The following SLC39A11 variants were observed in gnomAD, a reference collection of about 807,000 sequenced individuals.
SLC39A11 encodes solute carrier family 39 member 11.
In SLC39A11, 33 loss-of-function variants were observed where a neutral mutation model predicts 36.1. The ratio of observed to expected loss-of-function variants is 0.91; its 90% confidence interval spans 0.69 to 1.22. The LOEUF (loss-of-function observed/expected upper bound fraction) is 1.22. Among genes scored for constraint, SLC39A11 ranks in the 50% most tolerant of loss-of-function variants. The pLI is 0.00. For missense variants in SLC39A11, 432 were observed against 430.3 expected, an observed-to-expected ratio of 1.00 and a Z score of -0.03; for synonymous variants, 166 against 170.3, an observed-to-expected ratio of 0.97 and a Z score of 0.20.
At chr17:72,868,221 T>C (rs984563345) in intron 5 of SLC39A11, among the ~76,000 whole-genome samples, 1 of 151,824 alleles carries the variant, frequency 6.6e-6, no homozygotes, top group African/African-American at 2.4e-5. Context: ...ATAATCCCCA[T>C]CCCATGCTAA....
chr17:72,938,796 TG>T (rs2084921739), intron 5 of SLC39A11, among the ~76,000 whole-genome samples: 1 of 152,194 alleles, frequency 6.6e-6, no homozygotes, highest in Admixed American at 6.5e-5. Flanking sequence ...ACTTATGAGC[TG>T]AAATGAATGT....
At chr17:72,891,298 G>A (rs555279027) in intron 5 of SLC39A11, among the ~76,000 whole-genome samples, 1 of 152,270 alleles carries the variant, frequency 6.6e-6, no homozygotes, top group Non-Finnish European at 1.5e-5. Flanking sequence ...GCACATGCCT[G>A]TAATCCCAGC....
chr17:72,839,166 CA>C (rs2078698425), intron 6 of SLC39A11: 1 of 152,100 alleles, frequency 6.6e-6, no homozygotes, highest in African/African-American at 2.4e-5. Context: ...CCATAAGAGC[CA>C]GGCTTAGACT....
At chr17:72,988,518 A>C (rs1454018344) in intron 4 of SLC39A11, among the ~76,000 whole-genome samples, 1 of 152,070 alleles carries the variant, frequency 6.6e-6, no homozygotes, top group African/African-American at 2.4e-5. Flanking sequence ...GACTCTAGTC[A>C]CCCTACTGTG....
At chr17:72,959,353 A>G (rs1366238300) in intron 4 of SLC39A11, among the ~76,000 whole-genome samples, 3 of 140,760 alleles carry the variant, frequency 2.1e-5, no homozygotes, top group African/African-American at 7.9e-5. Flanking sequence ...ATATATATAT[A>G]TATATATATA....
At chr17:72,861,455 T>G (rs1416426811) in intron 5 of SLC39A11, among the ~76,000 whole-genome samples, 1 of 151,820 alleles carries the variant, frequency 6.6e-6, no homozygotes, top group Non-Finnish European at 1.5e-5. Context: ...AGGCTAACAC[T>G]GACACAAGTT....
chr17:73,011,627 A>C (rs944670351), intron 4 of SLC39A11, among the ~76,000 whole-genome samples: 2 of 151,622 alleles, frequency 1.3e-5, no homozygotes, highest in African/African-American at 4.8e-5. Flanking sequence ...ACTATAGTCA[A>C]AATAATTTAA....
chr17:72,791,637 G>T (rs2145079053), intron 6 of SLC39A11, among the ~76,000 whole-genome samples: 1 of 152,264 alleles, frequency 6.6e-6, no homozygotes, highest in East Asian at 1.9e-4. Context: ...GTGGCTCTGT[G>T]TCCCCACCCA....
intron 6 of SLC39A11, among the ~76,000 whole-genome samples, chr17:72,785,263 G>A (rs1162212132): frequency 6.6e-6 from 1 of 152,158 alleles, no homozygotes; most frequent in Admixed American, 6.5e-5. Context: ...GGGCTTAGAA[G>A]GGAAATTACC....
At chr17:72,709,113 A>AT (rs1178868831) in intron 7 of SLC39A11, among the ~76,000 whole-genome samples, 3 of 151,674 alleles carry the variant, frequency 2.0e-5, no homozygotes, top group African/African-American at 7.3e-5. Context: ...TTTTTGTTGT[A>AT]TTTTTTAGTA....
At chr17:72,683,605 G>T (rs2071607846) in intron 7 of SLC39A11, among the ~76,000 whole-genome samples, 1 of 152,032 alleles carries the variant, frequency 6.6e-6, no homozygotes, top group Admixed American at 6.6e-5. Context: ...CCAAAGTGCT[G>T]GTGTGAGCCA....
chr17:72,916,372 C>CCTTCTGTCAAGAGGGAAA (rs1555630527), intron 5 of SLC39A11, among the ~76,000 whole-genome samples: 1 of 152,156 alleles, frequency 6.6e-6, no homozygotes, highest in Non-Finnish European at 1.5e-5. Context: ...CAGGCTCTTA[C>CCTTCTGTCAAGAGGGAAA]ACGGTTCCTC....
chr17:72,803,530 T>C (rs533102371), intron 6 of SLC39A11, among the ~76,000 whole-genome samples: 40 of 152,304 alleles, frequency 2.6e-4, no homozygotes, highest in Non-Finnish European at 4.6e-4. Flanking sequence ...TATGTAGTTA[T>C]AGCATGCCTC....
chr17:72,769,487 C>T lies in SLC39A11; in HGVS notation c.602-32768G>A, dbSNP rs138002725. On this transcript the variant is annotated intron_variant, in intron 6 of 9. Transcript: ENST00000255559. ...CAAGCTGGAAACTGCTTAAGACAAA[C>T]CCGCCTCCCATTCTATTCAAAGTGA... Among the ~76,000 whole-genome samples, 12 of 152,200 alleles carry T rather than the reference C, an allele frequency of 7.9e-5. No homozygotes were observed. The East Asian group carries it at 2.3e-3, about 29-fold the overall frequency.
chr17:72,880,494 C>T (rs1288384866), intron 5 of SLC39A11, among the ~76,000 whole-genome samples: 1 of 152,010 alleles, frequency 6.6e-6, no homozygotes, highest in Non-Finnish European at 1.5e-5. Context: ...ATAACTTGAG[C>T]TCTGGGAGGC....
intron 4 of SLC39A11, among the ~76,000 whole-genome samples, chr17:73,016,357 A>C (rs1008504138): frequency 6.6e-6 from 1 of 150,560 alleles, no homozygotes; most frequent in African/African-American, 2.4e-5. Flanking sequence ...TTTTTTTGAC[A>C]AAGTCTCGCT....
At chr17:72,951,131 C>T (rs1448885779) in intron 4 of SLC39A11, among the ~76,000 whole-genome samples, 1 of 151,484 alleles carries the variant, frequency 6.6e-6, no homozygotes, top group East Asian at 1.9e-4. Flanking sequence ...TATGATGGCA[C>T]ATGCCTGTAG....
chr17:72,794,407 T>C (rs2076820462), intron 6 of SLC39A11, among the ~76,000 whole-genome samples: 1 of 152,080 alleles, frequency 6.6e-6, no homozygotes, highest in Non-Finnish European at 1.5e-5. Context: ...CAGCCAATCA[T>C]TTTTCTAATT....
At chr17:73,009,354 C>CAAAA (rs56818175) in intron 4 of SLC39A11, among the ~76,000 whole-genome samples, 2 of 92,574 alleles carry the variant, frequency 2.2e-5, no homozygotes, top group African/African-American at 4.1e-5. Context: ...GACTCCATCT[C>CAAAA]AAAAAAAAAA....
Sources: allele counts gnomAD v4.1 joint callset (sites outside exome capture counted in the v4.1 genomes callset), GRCh38; gene constraint gnomAD v4.1.1; transcripts MANE v1.5; gene names NCBI Gene and HGNC (gene_info 2026-07-23, HGNC 2026-07-21).